Variants in HAPLN1 observed in about 807,000 individuals in gnomAD.
HAPLN1 encodes hyaluronan and proteoglycan link protein 1.
HAPLN1 carries 13 observed loss-of-function variants against 36.5 expected under a neutral mutation model. The ratio of observed to expected loss-of-function variants is 0.36; its 90% CI spans 0.23 to 0.57. The LOEUF (loss-of-function observed/expected upper bound fraction) is 0.57, where lower values mean the gene tolerates loss of function less well. Among genes scored for constraint, HAPLN1 ranks in the 20% least tolerant of loss-of-function variants. The pLI, the probability that HAPLN1 is intolerant of heterozygous loss-of-function variation, is 0.83. For missense variants in HAPLN1, 407 were observed against 439.7 expected (o/e 0.93, Z 0.66); for synonymous variants, 202 against 169.8 (o/e 1.19, Z -1.48).
intron 3 of HAPLN1, among the ~76,000 whole-genome samples, chr5:83,645,563 G>A (rs1037134977): frequency 4.3e-5 from 6 of 140,552 alleles, no homozygotes; most frequent in Admixed American, 7.8e-5. Context: ...CAATGTGGCC[G>A]AGGAAAGCCA....
chr5:83,669,438 G>T (rs939913666), intron 2 of HAPLN1, among the ~76,000 whole-genome samples: 1 of 152,140 alleles, frequency 6.6e-6, no homozygotes, highest in Non-Finnish European at 1.5e-5. Context: ...GGCAGAGGTT[G>T]CAGTGAGCCA....
rs966358610 is a variant in HAPLN1 at position 83,715,554 on chromosome 5, C to G, written c.-27+5235G>C. ...TTACTATGCAACACCTAGCGTGGTG[C>G]CTGCCTGGTGCAAATGGTAAGCACT... On this transcript the variant is annotated intron_variant, in intron 1 of 4. Coordinates refer to ENST00000274341, the MANE Select transcript of HAPLN1 (RefSeq NM_001884.4). 2.0e-5 allele frequency among the ~76,000 whole-genome samples: 3 copies of G among 152,202 alleles called. 1 individual carries two copies. The highest frequency in any genetic ancestry group is 4.1e-4 in the South Asian group (2 of 4,834).
chr5:83,673,731 T>G, intron 1 of HAPLN1, 182 bp from the exon 2 acceptor site: 1 of 519,744 alleles, frequency 1.9e-6, no homozygotes, highest in Non-Finnish European at 3.4e-6. Context: ...GAACAATTCC[T>G]GCTACCATCA....
Position 83,638,867 on chromosome 5 carries a change from G to T in HAPLN1, c.*2629C>A, listed in dbSNP as rs1404631205. 4 of 151,660 alleles carry T rather than the reference G, an allele frequency of 2.6e-5. No homozygotes were observed. Among genetic ancestry groups the T allele is most frequent in the Non-Finnish European group, 5.9e-5 (4 of 67,814 alleles). The allele number at this position is 151,660 out of a possible 1,614,324, so 9.4% of individuals were successfully genotyped here. ...TATTTGAATTGCTTCTTTTTGTTTG[G>T]GTTTTCCAATGTAGATGTCTCAGTG... On this transcript the variant is annotated 3_prime_UTR_variant, in exon 5 of 5. Coordinates refer to ENST00000274341, the MANE Select transcript of HAPLN1 (RefSeq NM_001884.4).
chr5:83,659,790 A>G (rs955074168), intron 2 of HAPLN1, among the ~76,000 whole-genome samples: 2 of 152,168 alleles, frequency 1.3e-5, no homozygotes, highest in African/African-American at 4.8e-5. Context: ...AATACATGGT[A>G]TCACATTTCC....
At chr5:83,702,945 C>T (rs923901074) in intron 1 of HAPLN1, among the ~76,000 whole-genome samples, 1 of 152,184 alleles carries the variant, frequency 6.6e-6, no homozygotes, top group South Asian at 2.1e-4. Flanking sequence ...CTCTTGACCT[C>T]AAGAGATATG....
intron 1 of HAPLN1, among the ~76,000 whole-genome samples, chr5:83,681,335 T>C (rs2112608849): frequency 6.6e-6 from 1 of 152,260 alleles, no homozygotes; most frequent in South Asian, 2.1e-4. Flanking sequence ...AGGCCCCTTG[T>C]AACCAATTAT....
intron 1 of HAPLN1, among the ~76,000 whole-genome samples, chr5:83,679,058 C>A (rs184844127): frequency 6.6e-6 from 1 of 152,122 alleles, no homozygotes; most frequent in African/African-American, 2.4e-5. Flanking sequence ...GCAATATATA[C>A]CAACATATTT....
intron 1 of HAPLN1, among the ~76,000 whole-genome samples, chr5:83,716,924 C>A (rs182625014): frequency 6.6e-6 from 1 of 151,904 alleles, no homozygotes. Flanking sequence ...CCCAGCTACT[C>A]GAGAGGCTGA....
chr5:83,645,609 G>T (rs1749851011), intron 3 of HAPLN1, among the ~76,000 whole-genome samples: 1 of 151,412 alleles, frequency 6.6e-6, no homozygotes, highest in Non-Finnish European at 1.5e-5. Context: ...GGACTCCTTT[G>T]CATATTTAAC....
rs1749703923 is a variant in HAPLN1, at chr5:83,641,666, G to T, written c.895C>A (p.Leu299Ile). The T allele has an allele frequency of 1.2e-6, 2 of 1,614,050 alleles. No homozygotes were observed. Among genetic ancestry groups the T allele is most frequent in the Non-Finnish European group, 1.7e-6 (2 of 1,180,042 alleles). Residue 299 changes from leucine (L) to isoleucine (I), a missense_variant, in exon 5 of 5, where the codon CTC becomes ATC. Transcript: ENST00000274341. ...VGQIFAAWKI[L>I]GYDRCDAGWL... ...CCCGCATCACAGCGGTCATATCCGA[G>T]AATTTTCCAGGCAGCAAATATCTGG...
chr5:83,684,631 C>A (rs1456586747), intron 1 of HAPLN1, among the ~76,000 whole-genome samples: 1 of 152,076 alleles, frequency 6.6e-6, no homozygotes, highest in Non-Finnish European at 1.5e-5. Flanking sequence ...GGGAGCTTGG[C>A]CTGCTTGTGT....
At chr5:83,686,245 C>T (rs1395471933) in intron 1 of HAPLN1, among the ~76,000 whole-genome samples, 8 of 151,822 alleles carry the variant, frequency 5.3e-5, no homozygotes, top group African/African-American at 7.3e-5. Context: ...GAATTGTGCC[C>T]GTTGATCCAC....
In HAPLN1 at chr5:83,669,932, A is replaced by G. The variant is rs538282550; in HGVS notation, c.100+3492T>C. Among the ~76,000 whole-genome samples the G allele has an allele frequency of 5.3e-5, 8 of 152,322 alleles. No individual in the cohort carries two copies. In the East Asian group the frequency reaches 1.5e-3, roughly 29 times the overall value. On this transcript the variant is annotated intron_variant, in intron 2 of 4. Coordinates refer to ENST00000274341, the MANE Select transcript of HAPLN1 (RefSeq NM_001884.4). ...AAGGTCTAAGCTAGTTAGTGGCATTACAGGAAAGACTGAAACTTGTCATCA... is the reference window on the plus strand; with the variant it reads ...AAGGTCTAAGCTAGTTAGTGGCATTGCAGGAAAGACTGAAACTTGTCATCA...
At chr5:83,693,127 T>C (rs1294793134) in intron 1 of HAPLN1, among the ~76,000 whole-genome samples, 3 of 151,848 alleles carry the variant, frequency 2.0e-5, no homozygotes, top group African/African-American at 7.2e-5. Flanking sequence ...GTTATATGAG[T>C]ATGGCCTCTC....
intron 1 of HAPLN1, chr5:83,674,214 C>T (rs1750801757): frequency 6.6e-6 from 1 of 152,212 alleles, no homozygotes; most frequent in African/African-American, 2.4e-5. Context: ...GCTACCACTG[C>T]AGTCATCCTG....
chr5:83,716,321 T>C (rs1203278864), intron 1 of HAPLN1, among the ~76,000 whole-genome samples: 6 of 152,360 alleles, frequency 3.9e-5, no homozygotes, highest in African/African-American at 1.4e-4. Context: ...AAAATTTCTG[T>C]TGTCTTAAAC....
intron 1 of HAPLN1, among the ~76,000 whole-genome samples, chr5:83,716,923 T>C (rs985817001): frequency 9.2e-5 from 14 of 152,094 alleles, no homozygotes; most frequent in Admixed American, 6.5e-5. Flanking sequence ...TCCCAGCTAC[T>C]CGAGAGGCTG....
chr5:83,676,450 T>C (rs1356956379), intron 1 of HAPLN1, among the ~76,000 whole-genome samples: 1 of 152,100 alleles, frequency 6.6e-6, no homozygotes, highest in East Asian at 1.9e-4. Context: ...GACATGAAAC[T>C]AGAAAAGTAT....
Sources: allele counts gnomAD v4.1 joint callset (sites outside exome capture counted in the v4.1 genomes callset), GRCh38; gene constraint gnomAD v4.1.1; transcripts MANE v1.5; gene names NCBI Gene and HGNC (gene_info 2026-07-23, HGNC 2026-07-21).